ZBBX: variants seen among roughly 807,000 people sequenced by gnomAD.
ZBBX encodes zinc finger B-box domain containing.
Under a neutral mutation model 108.5 loss-of-function variants are expected in ZBBX, and 101 were observed. That is an observed-to-expected ratio of 0.93 (90% CI 0.79 to 1.10). ZBBX has a LOEUF of 1.10. Among genes scored for constraint, ZBBX ranks in the 50% least tolerant of loss-of-function variants. The pLI is 0.00. For missense variants in ZBBX, 1,009 were observed against 941.4 expected (o/e 1.07, Z -0.94); for synonymous variants, 356 against 323.4 (o/e 1.10, Z -1.08).
chr3:167,280,161 G>A (rs1045213773), intron 20 of ZBBX, among the ~76,000 whole-genome samples: 1 of 151,948 alleles, frequency 6.6e-6, no homozygotes, highest in African/African-American at 2.4e-5. Flanking sequence ...GAAAACCTAG[G>A]CATTACCATT....
At chr3:167,224,890 C>T in the ZBBX span, among the ~76,000 whole-genome samples, 30 of 151,912 alleles carry the variant, frequency 2.0e-4, no homozygotes, top group African/African-American at 7.0e-4. Flanking sequence ...CTAATATCCC[C>T]TTCTTTTTAC....
At chr3:167,311,673 A>T (rs1304645076) in intron 16 of ZBBX, among the ~76,000 whole-genome samples, 1 of 152,180 alleles carries the variant, frequency 6.6e-6, no homozygotes, top group East Asian at 1.9e-4. Context: ...AAATAAGCAT[A>T]TTAAAAGATT....
At chr3:167,198,246 T>C in the ZBBX span, among the ~76,000 whole-genome samples, 4 of 152,104 alleles carry the variant, frequency 2.6e-5, no homozygotes, top group South Asian at 8.3e-4. Context: ...ATCATACCTA[T>C]GCTTTCCTTT....
At chr3:167,226,394 C>T in the ZBBX span, among the ~76,000 whole-genome samples, 1 of 151,678 alleles carries the variant, frequency 6.6e-6, no homozygotes, top group African/African-American at 2.4e-5. Flanking sequence ...CATGCTGTCC[C>T]TCCCCTTATT....
In ZBBX at chr3:167,292,129, A is replaced by G. The variant is rs564015876; in HGVS notation, c.1880-3146T>C. On this transcript the variant is annotated intron_variant, in intron 18 of 21. Coordinates refer to ENST00000675490, the MANE Select transcript of ZBBX (RefSeq NM_001199201.2). ...TGGGAGACTTTAACACCCCACTATC[A>G]ATATTAGACAGATCAATGAGACAGA... Among the ~76,000 whole-genome samples the G allele has an allele frequency of 4.8e-4, 73 of 152,306 alleles. No individual in the cohort carries two copies. The South Asian group carries it at 5.8e-3, about 12-fold the overall frequency.
intron 9 of ZBBX, among the ~76,000 whole-genome samples, chr3:167,339,750 T>G (rs1460457296): frequency 6.6e-6 from 1 of 152,108 alleles, no homozygotes; most frequent in East Asian, 1.9e-4. Context: ...TTGCTGCACC[T>G]CTCAACCCAT....
At position 167,331,628 on chromosome 3, in the gene ZBBX, G is replaced by A. The variant is rs778356815; in HGVS notation, c.687+2199C>T. On this transcript the variant is annotated intron_variant, in intron 10 of 21. Transcript: ENST00000675490. ...GAGGGTTGTACATTAGCTCTTAAACGTTTCAGCTCAAAACTGTCATATATC... is the reference window on the plus strand; with the variant it reads ...GAGGGTTGTACATTAGCTCTTAAACATTTCAGCTCAAAACTGTCATATATC... 1.0e-3 allele frequency: 1,022 copies of A among 985,204 alleles called. 2 individuals carry two copies. The highest frequency in any genetic ancestry group is 1.1e-3 in the Non-Finnish European group (890 of 829,904). 61.0% of individuals were successfully genotyped at this position (985,204 alleles called of 1,614,324 possible).
At chr3:167,266,375 C>G (rs573879910) in intron 20 of ZBBX, among the ~76,000 whole-genome samples, 5 of 152,154 alleles carry the variant, frequency 3.3e-5, no homozygotes, top group African/African-American at 1.2e-4. Context: ...CCTTTGTTCT[C>G]CAACTTAACT....
intron 4 of ZBBX, among the ~76,000 whole-genome samples, chr3:167,371,432 T>C (rs1269803419): frequency 6.6e-6 from 1 of 152,168 alleles, no homozygotes; most frequent in Non-Finnish European, 1.5e-5. Context: ...GTTTGAGCCA[T>C]GTTCTCTCCT....
intron 8 of ZBBX, among the ~76,000 whole-genome samples, chr3:167,359,330 A>T (rs1009655291): frequency 2.0e-5 from 3 of 152,172 alleles, no homozygotes; most frequent in African/African-American, 7.2e-5. Context: ...TCCAGGGTAA[A>T]GGTAATCTTC....
At chr3:167,230,084 G>A in the ZBBX span, among the ~76,000 whole-genome samples, 1 of 151,550 alleles carries the variant, frequency 6.6e-6, no homozygotes, top group Non-Finnish European at 1.5e-5. Flanking sequence ...ACTAACCTTG[G>A]GCATATTATT....
At chr3:167,319,176 T>C (rs1393008697) in intron 12 of ZBBX, among the ~76,000 whole-genome samples, 1 of 152,012 alleles carries the variant, frequency 6.6e-6, no homozygotes, top group Non-Finnish European at 1.5e-5. Flanking sequence ...GACCTAGTGA[T>C]AATTGCCAAA....
At chr3:167,341,960 A>C (rs1740610845) in intron 9 of ZBBX, among the ~76,000 whole-genome samples, 1 of 151,884 alleles carries the variant, frequency 6.6e-6, no homozygotes, top group Non-Finnish European at 1.5e-5. Flanking sequence ...AACGTATATT[A>C]CAGCAAGCAA....
the ZBBX span, among the ~76,000 whole-genome samples, chr3:167,217,877 C>T: frequency 9.5e-5 from 14 of 147,834 alleles, 1 homozygote; most frequent in Non-Finnish European, 1.5e-4. Context: ...AACCAAATGT[C>T]GCATGTTCTC....
At chr3:167,330,278 C>A (rs970794266) in intron 10 of ZBBX, among the ~76,000 whole-genome samples, 1 of 152,030 alleles carries the variant, frequency 6.6e-6, no homozygotes, top group Non-Finnish European at 1.5e-5. Flanking sequence ...CATACAAAAC[C>A]AGAAGGGTTG....
At chr3:167,233,465 A>C in the ZBBX span, among the ~76,000 whole-genome samples, 4 of 151,760 alleles carry the variant, frequency 2.6e-5, no homozygotes, top group African/African-American at 9.7e-5. Context: ...GAGCATAAGA[A>C]GCCAGCTAGT....
chr3:167,217,672 T>C, the ZBBX span, among the ~76,000 whole-genome samples: 1 of 152,108 alleles, frequency 6.6e-6, no homozygotes, highest in East Asian at 1.9e-4. Context: ...TGAATGTTCA[T>C]TGCAGCACTA....
chr3:167,255,411 T>TTA (rs1723330525), intron 20 of ZBBX, among the ~76,000 whole-genome samples: 2 of 151,880 alleles, frequency 1.3e-5, no homozygotes, highest in African/African-American at 4.8e-5. Context: ...AAAATGCTGG[T>TTA]ACTAAACATT....
rs763235567 is a variant in ZBBX at position 167,322,224 on chromosome 3, T to C, written c.876A>G (p.Glu292=). 45 of 1,470,034 alleles carry C rather than the reference T, an allele frequency of 3.1e-5. No homozygotes were observed. The highest frequency in any genetic ancestry group is 4.1e-5 in the Non-Finnish European group (45 of 1,110,702). The allele number at this position is 1,470,034 out of a possible 1,614,324, so 91.1% of individuals were successfully genotyped here. ...LHAAVKDSLE[E]CEVQTNLKIW... Reference sequence around the variant, plus strand: ...TTTTCAGATTAGTCTGTACTTCGCATTCTTCCAATGAGTCTGTAAAAATAA... The same window carrying C: ...TTTTCAGATTAGTCTGTACTTCGCACTCTTCCAATGAGTCTGTAAAAATAA... Residue 292 remains glutamate (E), a synonymous_variant, in exon 12 of 22, where the codon GAA becomes GAG. Transcript: ENST00000675490.
Sources: gnomAD v4.1 joint callset for allele counts (sites outside exome capture counted in the v4.1 genomes callset) on GRCh38, gnomAD v4.1.1 for gene constraint, MANE v1.5 for transcripts, NCBI Gene and HGNC (gene_info 2026-07-23, HGNC 2026-07-21) for gene names.